Variants in VPS37A observed in about 807,000 individuals in gnomAD.
The protein encoded by VPS37A is vacuolar protein sorting-associated protein 37A.
In VPS37A, 30 loss-of-function variants were observed where a neutral mutation model predicts 49.8. The observed-to-expected ratio is 0.60, with a 90% confidence interval of 0.45 to 0.82. The LOEUF (loss-of-function observed/expected upper bound fraction) is 0.82, where lower values mean the gene tolerates loss of function less well. VPS37A is among the 40% of genes least tolerant of loss of function. VPS37A has a pLI of 0.00. For missense variants in VPS37A, 593 were observed against 464.4 expected, an observed-to-expected ratio of 1.28 and a Z score of -2.55; for synonymous variants, 195 against 160.6, an observed-to-expected ratio of 1.21 and a Z score of -1.62.
At chr8:17,316,780 G>A in the VPS37A span, among the ~76,000 whole-genome samples, 2 of 152,130 alleles carry the variant, frequency 1.3e-5, no homozygotes, top group East Asian at 3.9e-4. Flanking sequence ...AAATATATGG[G>A]AGGATGTGCA....
chr8:17,281,249 A>T (rs925639856), intron 9 of VPS37A, among the ~76,000 whole-genome samples: 1 of 152,008 alleles, frequency 6.6e-6, no homozygotes, highest in African/African-American at 2.4e-5. Flanking sequence ...AGGTATTGTT[A>T]CTTTTTCCCA....
At chr8:17,255,539 C>G (rs1243688764) in intron 1 of VPS37A, among the ~76,000 whole-genome samples, 1 of 151,892 alleles carries the variant, frequency 6.6e-6, no homozygotes, top group East Asian at 1.9e-4. Context: ...TATATATAAA[C>G]TAAGTGATAA....
chr8:17,256,364 C>T (rs1484659517), intron 1 of VPS37A, among the ~76,000 whole-genome samples: 1 of 134,576 alleles, frequency 7.4e-6, no homozygotes, highest in African/African-American at 2.9e-5. Context: ...TCTGGAACTC[C>T]TGGGCTCAAG....
chr8:17,263,617 C>G (rs1813167422), intron 1 of VPS37A, among the ~76,000 whole-genome samples: 2 of 152,024 alleles, frequency 1.3e-5, no homozygotes, highest in South Asian at 4.1e-4. Flanking sequence ...TTATTTAAAT[C>G]AAATTTATTT....
intron 4 of VPS37A, among the ~76,000 whole-genome samples, chr8:17,272,929 T>G (rs1428638318): frequency 1.3e-5 from 2 of 151,794 alleles, no homozygotes; most frequent in African/African-American, 4.8e-5. Flanking sequence ...TGTGTATATA[T>G]AATTCCTGAG....
intron 11 of VPS37A, among the ~76,000 whole-genome samples, chr8:17,292,087 T>G (rs570230682): frequency 6.6e-6 from 1 of 152,322 alleles, no homozygotes; most frequent in South Asian, 2.1e-4. Context: ...CTCCCACTAT[T>G]ATTGTGTGGG....
chr8:17,248,628 A>G (rs1811676800), intron 1 of VPS37A, among the ~76,000 whole-genome samples: 1 of 152,228 alleles, frequency 6.6e-6, no homozygotes, highest in South Asian at 2.1e-4. Context: ...ATGTATCCTC[A>G]GATAATATCG....
At chr8:17,308,323 A>ATTAATAG in the VPS37A span, among the ~76,000 whole-genome samples, 11 of 152,176 alleles carry the variant, frequency 7.2e-5, no homozygotes, top group African/African-American at 2.7e-4. Flanking sequence ...ATAGAACCCC[A>ATTAATAG]AACTGAAAAT....
At chr8:17,263,588 C>G (rs1037199382) in intron 1 of VPS37A, among the ~76,000 whole-genome samples, 9 of 151,972 alleles carry the variant, frequency 5.9e-5, no homozygotes, top group African/African-American at 2.2e-4. Context: ...ACATTTCTAA[C>G]CAATTATTTA....
At chr8:17,258,319 C>A (rs1812663167) in intron 1 of VPS37A, among the ~76,000 whole-genome samples, 1 of 152,028 alleles carries the variant, frequency 6.6e-6, no homozygotes, top group African/African-American at 2.4e-5. Flanking sequence ...GATGTATATT[C>A]CTTCTATACC....
At position 17,286,418 on chromosome 8, in the gene VPS37A, T is replaced by A. The variant is rs768125012; in HGVS notation, c.1185T>A (p.Ala395=). ...QAIAMHSQFH[A]PL ...TAGCAATGCACAGCCAATTTCATGC[T>A]CCACTATAGGTAAATTGTATTTCAA... is the stretch of plus-strand genomic sequence containing the variant. Residue 395 remains alanine, a synonymous_variant, in exon 11 of 12, where the codon GCT becomes GCA. Transcript: ENST00000324849. 6.2e-7 allele frequency: 1 copy of A among 1,613,624 alleles called. No homozygotes were observed. The highest frequency in any genetic ancestry group is 1.7e-5 in the Admixed American group (1 of 59,990).
the VPS37A span, among the ~76,000 whole-genome samples, chr8:17,309,088 A>G: frequency 6.6e-6 from 1 of 152,212 alleles, no homozygotes; most frequent in Non-Finnish European, 1.5e-5. Context: ...GTTCTGCCCA[A>G]CTGTTACCAA....
chr8:17,311,478 C>T, the VPS37A span: 11 of 1,613,416 alleles, frequency 6.8e-6, no homozygotes, highest in Admixed American at 5.0e-5. Flanking sequence ...GTCAAGGCAC[C>T]GCCTGTGGGA....
intron 1 of VPS37A, chr8:17,247,606 C>T (rs1166812604): frequency 1.4e-6 from 1 of 708,610 alleles, no homozygotes; most frequent in African/African-American, 1.7e-5. Context: ...ATTTCCTCAT[C>T]CCTCCTGACA....
At position 17,248,299 on chromosome 8, in the gene VPS37A, C is replaced by A. The variant is rs112892731; in HGVS notation, c.125+930C>A. On this transcript the variant is annotated intron_variant, in intron 1 of 11. Coordinates refer to ENST00000324849, the MANE Select transcript of VPS37A (RefSeq NM_152415.3). Reference sequence around the variant, plus strand: ...TTTTTTTGCCGGGGGTACGGCTCTCCTGTTGCCCAGGCTGGAGCGCAGTGG... The same window carrying A: ...TTTTTTTGCCGGGGGTACGGCTCTCATGTTGCCCAGGCTGGAGCGCAGTGG... 9.9e-5 allele frequency: 44 copies of A among 445,420 alleles called. 1 individual carries two copies. Among genetic ancestry groups the A allele is most frequent in the African/African-American group, 7.6e-4 (37 of 48,604 alleles). 27.6% of individuals were successfully genotyped at this position (445,420 alleles called of 1,614,324 possible). A position where few individuals can be genotyped will look rare whatever the true frequency, so the allele number is the denominator to read the frequency against.
chr8:17,316,298 A>G, the VPS37A span, among the ~76,000 whole-genome samples: 1 of 151,940 alleles, frequency 6.6e-6, no homozygotes, highest in African/African-American at 2.4e-5. Context: ...CATATATATT[A>G]TAGTCTGCAA....
chr8:17,263,803 T>C (rs1048542784), intron 1 of VPS37A, among the ~76,000 whole-genome samples: 1 of 152,030 alleles, frequency 6.6e-6, no homozygotes, highest in South Asian at 2.1e-4. Context: ...TAACCGGGTG[T>C]GGTGGCACAC....
chr8:17,265,266 T>G (rs1480101021), intron 1 of VPS37A, among the ~76,000 whole-genome samples: 1 of 152,170 alleles, frequency 6.6e-6, no homozygotes, highest in Non-Finnish European at 1.5e-5. Flanking sequence ...ATTATTTTGT[T>G]CCCTTTAAGA....
At chr8:17,312,411 C>A in the VPS37A span, among the ~76,000 whole-genome samples, 1 of 151,924 alleles carries the variant, frequency 6.6e-6, no homozygotes, top group Non-Finnish European at 1.5e-5. Context: ...CCCGTCTCTA[C>A]TAAAAATACA....
Sources: gnomAD v4.1 joint callset for allele counts (sites outside exome capture counted in the v4.1 genomes callset) on GRCh38, gnomAD v4.1.1 for gene constraint, MANE v1.5 for transcripts, NCBI Gene and HGNC (gene_info 2026-07-23, HGNC 2026-07-21) for gene names.